The following CHRNB4 variants were observed in gnomAD, a reference collection of about 807,000 sequenced individuals.
CHRNB4 encodes neuronal acetylcholine receptor subunit beta-4.
CHRNB4 carries 23 observed loss-of-function variants against 40.4 expected under a neutral mutation model. The ratio of observed to expected loss-of-function variants is 0.57; its 90% CI spans 0.41 to 0.81. CHRNB4 has a LOEUF of 0.81. Ranked by LOEUF, CHRNB4 falls within the 30% of genes least tolerant of loss-of-function variation. The pLI, the probability that CHRNB4 is intolerant of heterozygous loss-of-function variation, is 0.00. For missense variants in CHRNB4, 568 were observed against 670.6 expected (o/e 0.85, Z 1.69); for synonymous variants, 285 against 274.4 (o/e 1.04, Z -0.38).
chr15:78,656,844 T>G (rs531012484), intron 3 of CHRNB4, among the ~76,000 whole-genome samples: 52 of 152,302 alleles, frequency 3.4e-4, no homozygotes, highest in African/African-American at 6.3e-4. Context: ...TGGGAAAAGA[T>G]CGAAGGCCCT....
upstream of CHRNB4, chr15:78,660,849 T>C (rs1324590133): frequency 3.0e-6 from 1 of 334,030 alleles, no homozygotes; most frequent in Non-Finnish European, 5.8e-6. Flanking sequence ...CAGCGGTTGC[T>C]GTGAGCTCCA....
At chr15:78,661,290 G>T (rs548082513), upstream of CHRNB4, 31 of 598,598 alleles carry the variant, frequency 5.2e-5, no homozygotes, top group African/African-American at 4.2e-4. Flanking sequence ...GCGGCAGCCC[G>T]GCTGGTCACA....
chr15:78,657,714 C>T (rs912845119), intron 2 of CHRNB4, among the ~76,000 whole-genome samples: 14 of 151,928 alleles, frequency 9.2e-5, no homozygotes, highest in East Asian at 1.9e-4. Flanking sequence ...CCACCACGCC[C>T]GGCAATTTTT....
intron 1 of CHRNB4, among the ~76,000 whole-genome samples, chr15:78,636,837 A>T (rs561508095): frequency 2.0e-5 from 3 of 152,308 alleles, no homozygotes; most frequent in African/African-American, 7.2e-5. Context: ...ATCTTGTGCC[A>T]GGGACTTTAC....
chr15:78,634,798 A>C, intron 2 of CHRNB4: 1 of 455,740 alleles, frequency 2.2e-6, no homozygotes, highest in Non-Finnish European at 4.4e-6. Context: ...GACATCTCCA[A>C]CTCAGAGGCA....
At chr15:78,628,207 A>G (rs898036906) in intron 5 of CHRNB4, 2 of 152,218 alleles carry the variant, frequency 1.3e-5, no homozygotes, top group African/African-American at 4.8e-5. Flanking sequence ...TCTAGTTAGC[A>G]CAATCGATTA....
intron 1 of CHRNB4, among the ~76,000 whole-genome samples, chr15:78,638,316 C>A (rs1434192942): frequency 6.6e-6 from 1 of 152,268 alleles, no homozygotes; most frequent in East Asian, 1.9e-4. Context: ...ATCTTGACCA[C>A]CAGCTGTGGG....
At chr15:78,658,144 T>A (rs183718295) in intron 2 of CHRNB4, 1 of 151,184 alleles carries the variant, frequency 6.6e-6, no homozygotes, top group East Asian at 2.0e-4. Flanking sequence ...TATTTTCCTG[T>A]CTCAGCCTCC....
At position 78,629,494 on chromosome 15, in the gene CHRNB4, G is replaced by A. The variant is rs758822118; in HGVS notation, c.811C>T (p.Leu271=). 3 of 1,614,186 alleles carry A rather than the reference G, an allele frequency of 1.9e-6. No homozygotes were observed. The highest frequency in any genetic ancestry group is 1.3e-5 in the African/African-American group (1 of 75,038). ...AGCAGGAAGAATGTCAGTGCCAGCA[G>A]CACTGAGATGCACAGTGTCATCTTC... ...GEKMTLCISV[L]LALTFFLLLI... is the part of the protein sequence containing the mutation. The change falls in exon 5 of 6, where the codon CTG becomes TTG. Residue 271 remains leucine, a synonymous_variant. Coordinates refer to ENST00000261751, the MANE Select transcript of CHRNB4 (RefSeq NM_000750.5). The surrounding 1 kb of genome is among the most constrained non-coding windows in gnomAD (Gnocchi z 6.8).
intron 1 of CHRNB4, among the ~76,000 whole-genome samples, chr15:78,636,766 CAG>C (rs1450163838): frequency 6.6e-6 from 1 of 152,122 alleles, no homozygotes; most frequent in Admixed American, 6.5e-5. Flanking sequence ...CTTCTTTGAA[CAG>C]ACTCTTTCTT....
At chr15:78,642,091 A>G (rs76817928), upstream of CHRNB4, among the ~76,000 whole-genome samples, 3 of 152,082 alleles carry the variant, frequency 2.0e-5, no homozygotes, top group Non-Finnish European at 2.9e-5. Flanking sequence ...GTCTAAGGGA[A>G]CCGCCTGTAA....
At position 78,629,002 on chromosome 15, in the gene CHRNB4, C is replaced by T. The variant is rs181039247; in HGVS notation, c.1303G>A (p.Ala435Thr). 54 of 1,613,994 alleles carry T rather than the reference C, an allele frequency of 3.3e-5. No individual in the cohort carries two copies. The highest frequency in any genetic ancestry group is 3.3e-4 in the East Asian group (15 of 44,874). The change falls in exon 5 of 6, where the codon GCC becomes ACC. Residue 435 changes from alanine (A) to threonine (T), a missense_variant. Coordinates refer to ENST00000261751, the MANE Select transcript of CHRNB4 (RefSeq NM_000750.5). This position sits in a 1 kb window ranked among gnomAD's most constrained non-coding sequence, Gnocchi z 6.8. ...QEALEGVSFI[A>T]QHMKNDDEDQ... is the part of the protein sequence containing the mutation. ...TCATCGTCATTCTTCATGTGCTGGG[C>T]GATGAAGCTGACACCTTCTAATGCC...
At position 78,624,712 on chromosome 15, in the gene CHRNB4, A is replaced by C. The variant is rs2053610931; in HGVS notation, c.*421T>G. The C allele has an allele frequency of 1.0e-5, 4 of 391,248 alleles. No individual in the cohort carries two copies. Among genetic ancestry groups the C allele is most frequent in the Non-Finnish European group, 1.8e-5 (4 of 221,660 alleles). The allele number at this position is 391,248 out of a possible 1,614,324, so 24.2% of individuals were successfully genotyped here. On this transcript the variant is annotated 3_prime_UTR_variant, in exon 6 of 6. Coordinates refer to ENST00000261751, the MANE Select transcript of CHRNB4 (RefSeq NM_000750.5). ...CGTTTAAAAGAAAAAAAAAAAGATGATGATATGGCAAATGCCAAGCCTCTG... is the reference window on the plus strand; with the variant it reads ...CGTTTAAAAGAAAAAAAAAAAGATGCTGATATGGCAAATGCCAAGCCTCTG...
chr15:78,639,141 C>A (rs968300029), intron 1 of CHRNB4, among the ~76,000 whole-genome samples: 5 of 152,124 alleles, frequency 3.3e-5, no homozygotes, highest in African/African-American at 1.2e-4. Context: ...GAAAGATATA[C>A]CTATTGTTTT....
At chr15:78,641,675 G>A (rs2054077767), upstream of CHRNB4, among the ~76,000 whole-genome samples, 1 of 152,246 alleles carries the variant, frequency 6.6e-6, no homozygotes, top group South Asian at 2.1e-4. Flanking sequence ...TTTGCAGGGA[G>A]GACACTTAGG....
At chr15:78,648,157 G>A (rs1234025147) in intron 7 of CHRNB4, among the ~76,000 whole-genome samples, 1 of 152,002 alleles carries the variant, frequency 6.6e-6, no homozygotes, top group Non-Finnish European at 1.5e-5. Flanking sequence ...ACTTTGGAAG[G>A]CCTAGGCGGG....
intron 6 of CHRNB4, chr15:78,649,440 C>T: frequency 2.2e-6 from 1 of 453,552 alleles, no homozygotes; most frequent in Non-Finnish European, 4.4e-6. Flanking sequence ...AAATCTGGAG[C>T]TAAGAAGAAT....
chr15:78,624,611 C>T lies in CHRNB4; in HGVS notation c.*522G>A, dbSNP rs71534219. 4.1e-4 allele frequency: 82 copies of T among 202,182 alleles called. No homozygotes were observed. Among genetic ancestry groups the T allele is most frequent in the African/African-American group, 1.8e-3 (76 of 43,406 alleles). 12.5% of individuals were successfully genotyped at this position (202,182 alleles called of 1,614,324 possible). The stretch of plus-strand genomic sequence containing the variant: ...TACAAAAATTAGCTGGGCACGGTGG[C>T]GGCTTTCTGTAATCCCAGCTACTTG... On this transcript the variant is annotated 3_prime_UTR_variant, in exon 6 of 6. Transcript: ENST00000261751.
intron 1 of CHRNB4, among the ~76,000 whole-genome samples, chr15:78,639,249 T>A (rs575431575): frequency 3.3e-5 from 5 of 152,208 alleles, no homozygotes; most frequent in Non-Finnish European, 7.3e-5. Context: ...CTGGGGTGTA[T>A]GTCCTTAACT....
Sources: gnomAD v4.1 joint callset for allele counts (sites outside exome capture counted in the v4.1 genomes callset) on GRCh38, gnomAD v4.1.1 for gene constraint, Gnocchi (gnomAD v3.1) non-coding constraint, MANE v1.5 for transcripts, NCBI Gene and HGNC (gene_info 2026-07-23, HGNC 2026-07-21) for gene names.